The following CDH13 variants were observed in gnomAD, a reference collection of about 807,000 sequenced individuals.
CDH13 encodes the protein cadherin 13, also known as cadherin-13.
In CDH13, 24 loss-of-function variants were observed where a neutral mutation model predicts 63.8. The observed-to-expected ratio is 0.38, with a 90% CI of 0.27 to 0.53. The LOEUF (loss-of-function observed/expected upper bound fraction) is 0.53. Ranked by LOEUF, CDH13 falls within the 20% of genes least tolerant of loss-of-function variation. The probability of loss-of-function intolerance (pLI) is 0.85; values close to 1 mark genes in which losing one functional copy is unlikely to be tolerated. For missense variants in CDH13, 1,049 were observed against 903.1 expected (o/e 1.16, Z -2.07); for synonymous variants, 503 against 355.3 (o/e 1.42, Z -4.67).
intron 1 of CDH13, among the ~76,000 whole-genome samples, chr16:82,733,136 G>A (rs1199896472): frequency 6.6e-6 from 1 of 152,162 alleles, no homozygotes; most frequent in Non-Finnish European, 1.5e-5. Context: ...CTATCCAACT[G>A]GATGCCCTCA....
At chr16:82,679,982 G>C (rs1002557978) in intron 1 of CDH13, among the ~76,000 whole-genome samples, 1 of 152,158 alleles carries the variant, frequency 6.6e-6, no homozygotes, top group African/African-American at 2.4e-5. Context: ...AGAAGGACAA[G>C]GAAGACCACC....
At chr16:83,607,878 T>G (rs938799176) in intron 8 of CDH13, among the ~76,000 whole-genome samples, 2 of 152,170 alleles carry the variant, frequency 1.3e-5, no homozygotes, top group African/African-American at 4.8e-5. Context: ...AGCAGCCCCA[T>G]TTGTGGCTTT....
intron 1 of CDH13, among the ~76,000 whole-genome samples, chr16:82,803,062 A>G (rs934360959): frequency 2.0e-5 from 3 of 152,204 alleles, no homozygotes; most frequent in East Asian, 1.9e-4. Flanking sequence ...AGGCCATGGG[A>G]TTTAGACATC....
intron 7 of CDH13, among the ~76,000 whole-genome samples, chr16:83,585,021 C>T (rs972816367): frequency 1.3e-5 from 2 of 152,214 alleles, no homozygotes; most frequent in African/African-American, 4.8e-5. Context: ...CAGGCCCCAC[C>T]TCCAACACTG....
intron 7 of CDH13, among the ~76,000 whole-genome samples, chr16:83,506,832 C>T (rs1014846340): frequency 6.6e-6 from 1 of 152,150 alleles, no homozygotes; most frequent in Non-Finnish European, 1.5e-5. Context: ...TAATAGCCAG[C>T]ATCAATTCTT....
At chr16:83,314,625 C>T (rs895108325) in intron 5 of CDH13, among the ~76,000 whole-genome samples, 2 of 152,172 alleles carry the variant, frequency 1.3e-5, no homozygotes, top group Non-Finnish European at 2.9e-5. Context: ...ATATGGGGCT[C>T]AGCTGAAGGT....
At chr16:83,373,083 A>G (rs907402914) in intron 6 of CDH13, among the ~76,000 whole-genome samples, 5 of 152,200 alleles carry the variant, frequency 3.3e-5, no homozygotes, top group African/African-American at 1.2e-4. Flanking sequence ...GGCTTTGACA[A>G]CTTTTCCAAA....
intron 4 of CDH13, among the ~76,000 whole-genome samples, chr16:83,147,418 A>G (rs754584688): frequency 2.6e-5 from 4 of 152,206 alleles, no homozygotes; most frequent in East Asian, 1.9e-4. Flanking sequence ...GTAAATCTCA[A>G]CATTCCTCAG....
chr16:83,115,635 T>C (rs1394560980), intron 3 of CDH13, among the ~76,000 whole-genome samples: 2 of 152,264 alleles, frequency 1.3e-5, no homozygotes, highest in African/African-American at 4.8e-5. Flanking sequence ...CTGGGCTGAC[T>C]GCATGAGTCT....
At chr16:83,628,053 C>T (rs541953624) in intron 8 of CDH13, among the ~76,000 whole-genome samples, 2 of 152,230 alleles carry the variant, frequency 1.3e-5, no homozygotes, top group East Asian at 3.9e-4. Context: ...TCACTCTCAT[C>T]GCCATCTTGG....
At chr16:83,104,170 A>G (rs1169116123) in intron 3 of CDH13, among the ~76,000 whole-genome samples, 1 of 152,194 alleles carries the variant, frequency 6.6e-6, no homozygotes, top group African/African-American at 2.4e-5. Flanking sequence ...CCATCCTAAC[A>G]TCAAAACCAC....
chr16:83,734,939 A>G lies in CDH13; in HGVS notation c.1539-13169A>G, dbSNP rs1026383652. ...TTGGCTTCTTGAGAAAGGAACTCAGATAAGACAATTGTAACTTTCTCAAGT... is the reference window on the plus strand; with the variant it reads ...TTGGCTTCTTGAGAAAGGAACTCAGGTAAGACAATTGTAACTTTCTCAAGT... On this transcript the variant is annotated intron_variant, in intron 10 of 13. Coordinates refer to ENST00000567109, the MANE Select transcript of CDH13 (RefSeq NM_001257.5). Among the ~76,000 whole-genome samples the G allele has an allele frequency of 4.6e-5, 7 of 151,578 alleles. No individual in the cohort carries two copies. The East Asian group carries it at 5.8e-4, about 13-fold the overall frequency.
At chr16:82,718,306 C>T (rs1249266522) in intron 1 of CDH13, among the ~76,000 whole-genome samples, 2 of 152,200 alleles carry the variant, frequency 1.3e-5, no homozygotes, top group African/African-American at 4.8e-5. Context: ...AGTCCCTCTT[C>T]TGACGAGTCA....
chr16:83,125,296 C>G (rs1440885703), intron 3 of CDH13, 89 bp from the exon 4 acceptor site: 1 of 737,872 alleles, frequency 1.4e-6, no homozygotes, highest in Non-Finnish European at 2.4e-6. Context: ...CAGCTGTATG[C>G]TTTCCCAACA....
At chr16:82,959,243 G>C (rs1019752951) in intron 2 of CDH13, among the ~76,000 whole-genome samples, 3 of 152,268 alleles carry the variant, frequency 2.0e-5, no homozygotes, top group Non-Finnish European at 2.9e-5. Context: ...TGTTTAAAAA[G>C]ATGACAGACA....
Position 83,747,797 on chromosome 16 carries a change from C to T in CDH13, c.1539-311C>T, listed in dbSNP as rs78491577. On this transcript the variant is annotated intron_variant, in intron 10 of 13. Coordinates refer to ENST00000567109, the MANE Select transcript of CDH13 (RefSeq NM_001257.5). ...GAGGTGTGAAAGAAACAAGACTGGA[C>T]GTGGACTCAGGATTTGGGCTGTGAA... is the stretch of plus-strand genomic sequence containing the variant. Among the ~76,000 whole-genome samples the T allele has an allele frequency of 0.083, 12,399 of 149,274 alleles. 1,135 individuals carry two copies. The highest frequency in any genetic ancestry group is 0.24 in the East Asian group (1,201 of 5,090).
intron 1 of CDH13, among the ~76,000 whole-genome samples, chr16:82,837,060 G>C (rs746511646): frequency 2.6e-5 from 4 of 152,148 alleles, no homozygotes; most frequent in Non-Finnish European, 5.9e-5. Flanking sequence ...TCTTAAAATG[G>C]GCAACCCATC....
chr16:83,766,134 C>T (rs919063605), intron 11 of CDH13, among the ~76,000 whole-genome samples: 1 of 152,164 alleles, frequency 6.6e-6, no homozygotes, highest in African/African-American at 2.4e-5. Context: ...CTCTCTATGT[C>T]CCTGGTATGG....
At chr16:83,206,266 C>T (rs902056597) in intron 4 of CDH13, among the ~76,000 whole-genome samples, 1 of 152,216 alleles carries the variant, frequency 6.6e-6, no homozygotes, top group East Asian at 1.9e-4. Context: ...ATTTCTCTGA[C>T]AATCTCAGAA....
Sources: gnomAD v4.1 joint callset for allele counts (sites outside exome capture counted in the v4.1 genomes callset) on GRCh38, gnomAD v4.1.1 for gene constraint, MANE v1.5 for transcripts, NCBI Gene and HGNC (gene_info 2026-07-23, HGNC 2026-07-21) for gene names.